ADAMTS6: variants seen among roughly 807,000 people sequenced by gnomAD.
The protein encoded by ADAMTS6 is A disintegrin and metalloproteinase with thrombospondin motifs 6.
ADAMTS6 carries 23 observed loss-of-function variants against 144.3 expected under a neutral mutation model. The observed-to-expected ratio is 0.16, with a 90% CI of 0.11 to 0.23. The LOEUF (loss-of-function observed/expected upper bound fraction) is 0.23. Ranked by LOEUF, ADAMTS6 falls within the 10% of genes least tolerant of loss-of-function variation. The pLI is 1.00. For synonymous variants in ADAMTS6, 444 were observed against 457.5 expected, an observed-to-expected ratio of 0.97 and a Z score of 0.38; for missense variants, 999 against 1,379.6, an observed-to-expected ratio of 0.72 and a Z score of 4.37.
intron 24 of ADAMTS6, among the ~76,000 whole-genome samples, chr5:65,164,570 T>C (rs1459075359): frequency 9.4e-5 from 14 of 148,222 alleles, no homozygotes; most frequent in African/African-American, 3.5e-4. Context: ...GCTCCACCTC[T>C]GGGGGCAGGG....
chr5:65,248,015 T>G (rs571630827), intron 14 of ADAMTS6, among the ~76,000 whole-genome samples: 2 of 152,270 alleles, frequency 1.3e-5, no homozygotes, highest in South Asian at 4.1e-4. Flanking sequence ...CAAGGCACTG[T>G]GAAAGGATAC....
rs1747058413 is a variant in ADAMTS6 at position 65,334,024 on chromosome 5, AAACC to A, written c.1117+14_1117+17del. ...AAAAAAAAAAAAAAAAAAAAAAAAA[AAACC>A]AAAAAAAACTTACCCAGTGTTCCAC... is the stretch of plus-strand genomic sequence containing the variant. On this transcript the variant is annotated intron_variant, in intron 8 of 24. Coordinates refer to ENST00000381055, the MANE Select transcript of ADAMTS6 (RefSeq NM_197941.4). 3 of 1,397,816 alleles carry A rather than the reference AAACC, an allele frequency of 2.1e-6. No individual in the cohort carries two copies. Among genetic ancestry groups the A allele is most frequent in the African/African-American group, 1.6e-5 (1 of 61,654 alleles). 86.6% of individuals were successfully genotyped at this position (1,397,816 alleles called of 1,614,324 possible).
chr5:65,234,307 CT>C (rs1477676507), intron 15 of ADAMTS6, among the ~76,000 whole-genome samples: 1 of 151,402 alleles, frequency 6.6e-6, no homozygotes, highest in Non-Finnish European at 1.5e-5. Context: ...TAAAAAGTTT[CT>C]GGACAGCAAA....
chr5:65,437,242 C>T lies in ADAMTS6; in HGVS notation c.1073+14233G>A, dbSNP rs1278622304. ...CCCGAGTAGCTGGGACTACAGGCAC[C>T]CACCACCACGCCCAGATAATTTTTT... On this transcript the variant is annotated intron_variant, in intron 7 of 24. Coordinates refer to ENST00000381055, the MANE Select transcript of ADAMTS6 (RefSeq NM_197941.4). Among the ~76,000 whole-genome samples, 3 of 151,866 alleles carry T rather than the reference C, an allele frequency of 2.0e-5. No individual in the cohort carries two copies. In the South Asian group the frequency reaches 6.2e-4, roughly 32 times the overall value.
At chr5:65,429,718 T>C (rs1184466733) in intron 7 of ADAMTS6, among the ~76,000 whole-genome samples, 1 of 152,028 alleles carries the variant, frequency 6.6e-6, no homozygotes, top group Non-Finnish European at 1.5e-5. Context: ...CAGTACAGCA[T>C]TAAAATTAAA....
At chr5:65,163,069 CTAGCTAACTTTTTT>C (rs1752885780) in intron 24 of ADAMTS6, among the ~76,000 whole-genome samples, 1 of 152,102 alleles carries the variant, frequency 6.6e-6, no homozygotes, top group Non-Finnish European at 1.5e-5. Context: ...ACCACCATGC[CTAGCTAACTTTTTT>C]ATTTTTTGTA....
intron 7 of ADAMTS6, among the ~76,000 whole-genome samples, chr5:65,394,961 T>C (rs1753215900): frequency 6.6e-6 from 1 of 152,058 alleles, no homozygotes; most frequent in East Asian, 1.9e-4. Context: ...TAGCAGAGCG[T>C]CATAGAGAAA....
intron 9 of ADAMTS6, among the ~76,000 whole-genome samples, chr5:65,301,441 A>C (rs1055386255): frequency 6.6e-6 from 1 of 152,234 alleles, no homozygotes; most frequent in Non-Finnish European, 1.5e-5. Context: ...GTAGTTGGGA[A>C]TAGGTAAGTA....
At chr5:65,224,676 C>T (rs990161312) in intron 17 of ADAMTS6, among the ~76,000 whole-genome samples, 1 of 152,194 alleles carries the variant, frequency 6.6e-6, no homozygotes, top group African/African-American at 2.4e-5. Context: ...CCCCTCATAT[C>T]AATCCTCTGT....
Position 65,473,656 on chromosome 5 carries a change from C to T in ADAMTS6, c.18G>A (p.Lys6=). 1.9e-6 allele frequency: 3 copies of T among 1,613,728 alleles called. No homozygotes were observed. The African/African-American group carries it at 4.0e-5, about 22-fold the overall frequency. Residue 6 remains lysine, a synonymous_variant, in exon 2 of 25, where the codon AAG becomes AAA. Transcript: ENST00000381055. MEILW[K]TLTWILSLIM... Reference sequence around the variant, plus strand: ...TGAGGCTCAAAATCCAGGTCAACGTCTTCCACAAAATTTCCATAATTTAGA... The same window carrying T: ...TGAGGCTCAAAATCCAGGTCAACGTTTTCCACAAAATTTCCATAATTTAGA...
chr5:65,224,396 G>A lies in ADAMTS6; in HGVS notation c.2196C>T (p.Tyr732=). Residue 732 remains tyrosine (Y), a synonymous_variant, in exon 18 of 25, where the codon TAC becomes TAT. Coordinates refer to ENST00000381055, the MANE Select transcript of ADAMTS6 (RefSeq NM_197941.4). The part of the protein sequence containing the change: ...FFNDSLPRGG[Y]MEVVQIPRGS... ...CTCTTGGTATCTGCACCACTTCCAT[G>A]TAGCCTGGAACACAGAAGATAGCCA... 1 of 1,614,042 alleles carries A rather than the reference G, an allele frequency of 6.2e-7. No homozygotes were observed. The highest frequency in any genetic ancestry group is 1.1e-5 in the South Asian group (1 of 91,084).
chr5:65,226,873 G>A (rs183557218), intron 15 of ADAMTS6, among the ~76,000 whole-genome samples: 241 of 152,172 alleles, frequency 1.6e-3, no homozygotes, highest in Admixed American at 3.4e-3. Flanking sequence ...GTGAGCCACC[G>A]TGCCTGGCCA....
intron 7 of ADAMTS6, among the ~76,000 whole-genome samples, chr5:65,382,217 T>C (rs1752105141): frequency 6.6e-6 from 1 of 152,198 alleles, no homozygotes; most frequent in Non-Finnish European, 1.5e-5. Flanking sequence ...CAACAGAAAG[T>C]AAGGCATATC....
At chr5:65,301,517 T>TG (rs1181521307) in intron 9 of ADAMTS6, among the ~76,000 whole-genome samples, 1 of 152,108 alleles carries the variant, frequency 6.6e-6, no homozygotes, top group Non-Finnish European at 1.5e-5. Context: ...AGGGAAGACT[T>TG]GTAAGTAAGA....
At chr5:65,250,761 A>G (rs1760088192) in intron 14 of ADAMTS6, among the ~76,000 whole-genome samples, 1 of 152,210 alleles carries the variant, frequency 6.6e-6, no homozygotes, top group Non-Finnish European at 1.5e-5. Context: ...AGAAAAATAC[A>G]AAGATCATTT....
At position 65,153,199 on chromosome 5, in the gene ADAMTS6, C is replaced by T. The variant is rs575690498; in HGVS notation, c.3245-1254G>A. ...TTATTGATCTCAATTTTTAAAGGCT[C>T]CTTTGGTGAAAGTCTTAAAATTTGA... is the stretch of plus-strand genomic sequence containing the variant. On this transcript the variant is annotated intron_variant, in intron 24 of 24. Transcript: ENST00000381055. Among the ~76,000 whole-genome samples the T allele has an allele frequency of 9.2e-5, 14 of 152,264 alleles. No individual in the cohort carries two copies. In the South Asian group the frequency reaches 2.9e-3, roughly 32 times the overall value.
chr5:65,229,003 T>A (rs1443455507), intron 15 of ADAMTS6, among the ~76,000 whole-genome samples: 1 of 152,196 alleles, frequency 6.6e-6, no homozygotes, highest in Non-Finnish European at 1.5e-5. Context: ...AAACTCTGCA[T>A]GCCCCATTCT....
At chr5:65,428,788 G>A (rs1756762289) in intron 7 of ADAMTS6, among the ~76,000 whole-genome samples, 2 of 152,166 alleles carry the variant, frequency 1.3e-5, no homozygotes, top group Non-Finnish European at 2.9e-5. Flanking sequence ...GTCAACCCTT[G>A]TATGGAAATC....
At chr5:65,203,527 T>G (rs1240411821) in intron 20 of ADAMTS6, among the ~76,000 whole-genome samples, 1 of 152,210 alleles carries the variant, frequency 6.6e-6, no homozygotes, top group Non-Finnish European at 1.5e-5. Context: ...TTCCACACAG[T>G]GTAATGTATT....
Sources: allele counts gnomAD v4.1 joint callset (sites outside exome capture counted in the v4.1 genomes callset), GRCh38; gene constraint gnomAD v4.1.1; transcripts MANE v1.5; gene names NCBI Gene and HGNC (gene_info 2026-07-23, HGNC 2026-07-21).